Variants in ZBTB46 observed in about 807,000 individuals in gnomAD.
The protein encoded by ZBTB46 is zinc finger and BTB domain-containing protein 46.
Under a neutral mutation model 44.1 loss-of-function variants are expected in ZBTB46, and 8 were observed. The ratio of observed to expected loss-of-function variants is 0.18; its 90% CI spans 0.11 to 0.33. ZBTB46 has a LOEUF of 0.33. Among genes scored for constraint, ZBTB46 ranks in the 10% least tolerant of loss-of-function variants. The pLI is 1.00. For missense variants in ZBTB46, 651 were observed against 847.7 expected (o/e 0.77, Z 2.88); for synonymous variants, 409 against 382.3 (o/e 1.07, Z -0.81).
chr20:63,746,604 A>G lies in ZBTB46; in HGVS notation c.*326T>C. On this transcript the variant is annotated 3_prime_UTR_variant, in exon 5 of 5. Transcript: ENST00000245663. ...CACTGGACCCGGCCACAGGCCCATC[A>G]CGTGTCCAAGCCAGGCTGGCCATCA... 3.2e-6 allele frequency: 1 copy of G among 311,036 alleles called. No individual in the cohort carries two copies. Among genetic ancestry groups the G allele is most frequent in the East Asian group, 5.5e-5 (1 of 18,076 alleles). The allele number at this position is 311,036 out of a possible 1,614,324, so 19.3% of individuals were successfully genotyped here.
At chr20:63,771,408 C>T (rs1313756193) in intron 3 of ZBTB46, among the ~76,000 whole-genome samples, 3 of 152,140 alleles carry the variant, frequency 2.0e-5, no homozygotes, top group African/African-American at 7.2e-5. Flanking sequence ...GAGAGGGGGG[C>T]CACGCGGTCC....
chr20:63,826,559 TAAAA>T (rs72142838), intron 1 of ZBTB46, among the ~76,000 whole-genome samples: 1 of 139,404 alleles, frequency 7.2e-6, no homozygotes, highest in East Asian at 2.1e-4. Flanking sequence ...CATCTCTACT[TAAAA>T]AAAAAAAAAA....
At chr20:63,802,978 C>T (rs1163010018) in intron 1 of ZBTB46, among the ~76,000 whole-genome samples, 1 of 152,248 alleles carries the variant, frequency 6.6e-6, no homozygotes, top group Non-Finnish European at 1.5e-5. Flanking sequence ...GGCCCTTTGA[C>T]ATGGCAGCCC....
At position 63,745,109 on chromosome 20, in the gene ZBTB46, C is replaced by G. The variant is rs6010637; in HGVS notation, c.*1821G>C. 8,672 of 152,482 alleles carry G rather than the reference C, an allele frequency of 0.057. 829 individuals carry two copies. The highest frequency in any genetic ancestry group is 0.2 in the African/African-American group (8,211 of 41,512). 9.4% of individuals were successfully genotyped at this position (152,482 alleles called of 1,614,324 possible). On this transcript the variant is annotated 3_prime_UTR_variant, in exon 5 of 5. Coordinates refer to ENST00000245663, the MANE Select transcript of ZBTB46 (RefSeq NM_001369741.1). ...GCTGCAGCTCCCTGGTAGCCATGCT[C>G]TCCCCCTGGGGGACTCGTGCCAGAG...
At chr20:63,764,748 G>C (rs2092304664) in intron 3 of ZBTB46, among the ~76,000 whole-genome samples, 1 of 151,178 alleles carries the variant, frequency 6.6e-6, no homozygotes, top group East Asian at 2.0e-4. Context: ...GATTACAGGT[G>C]TGTGCCACCA....
Position 63,803,690 on chromosome 20 carries a change from G to A in ZBTB46, c.-33-12900C>T, listed in dbSNP as rs559384925. ...CCCAGGCCGCCTCCTCCGCCTTCCC[G>A]AACCTGGCTACCGTCACTTCCTTCT... On this transcript the variant is annotated intron_variant, in intron 1 of 4. Coordinates refer to ENST00000245663, the MANE Select transcript of ZBTB46 (RefSeq NM_001369741.1). This position sits in a 1 kb window ranked among gnomAD's most constrained non-coding sequence, Gnocchi z 4.0. Among the ~76,000 whole-genome samples, 4 of 151,410 alleles carry A rather than the reference G, an allele frequency of 2.6e-5. No homozygotes were observed. Among genetic ancestry groups the A allele is most frequent in the South Asian group, 2.1e-4 (1 of 4,752 alleles).
At chr20:63,782,927 T>A (rs2145897868) in intron 2 of ZBTB46, among the ~76,000 whole-genome samples, 1 of 152,122 alleles carries the variant, frequency 6.6e-6, no homozygotes, top group African/African-American at 2.4e-5. Context: ...CATAGTGAGA[T>A]CCCGTCTCCC....
chr20:63,832,645 G>A (rs2092858081), upstream of ZBTB46, among the ~76,000 whole-genome samples: 1 of 152,246 alleles, frequency 6.6e-6, no homozygotes, highest in African/African-American at 2.4e-5. This position sits in a 1 kb window ranked among gnomAD's most constrained non-coding sequence, Gnocchi z 5.0. Flanking sequence ...TGGCTGTGCG[G>A]ACACCCCGTT....
intron 1 of ZBTB46, among the ~76,000 whole-genome samples, chr20:63,820,439 A>T (rs911575888): frequency 1.3e-5 from 2 of 149,970 alleles, no homozygotes; most frequent in African/African-American, 5.0e-5. Flanking sequence ...TATTATATAT[A>T]TATATTTTTT....
rs545827747 is a variant in ZBTB46 at position 63,807,701 on chromosome 20, T to C, written c.-33-16911A>G. Among the ~76,000 whole-genome samples, 13 of 152,388 alleles carry C rather than the reference T, an allele frequency of 8.5e-5. No homozygotes were observed. In the South Asian group the frequency reaches 2.3e-3, roughly 27 times the overall value. On this transcript the variant is annotated intron_variant, in intron 1 of 4. Coordinates refer to ENST00000245663, the MANE Select transcript of ZBTB46 (RefSeq NM_001369741.1). ...CATTTGTTTACATCAAGCAATATGA[T>C]AGAATCCCTAACCAGTTACTTTTTG...
intron 3 of ZBTB46, among the ~76,000 whole-genome samples, chr20:63,771,170 G>C (rs1214095345): frequency 2.0e-5 from 3 of 152,222 alleles, no homozygotes; most frequent in African/African-American, 7.2e-5. Context: ...CCCTCGCCCA[G>C]CCGAGGCCGC....
chr20:63,781,288 A>C (rs2092468309), intron 2 of ZBTB46, among the ~76,000 whole-genome samples: 1 of 152,202 alleles, frequency 6.6e-6, no homozygotes, highest in South Asian at 2.1e-4. Flanking sequence ...AGAAGATCTG[A>C]ACAGACACTT....
At chr20:63,822,932 G>A (rs565556926) in intron 1 of ZBTB46, among the ~76,000 whole-genome samples, 13 of 109,038 alleles carry the variant, frequency 1.2e-4, no homozygotes, top group African/African-American at 3.6e-4. Context: ...AAGCCGAGAC[G>A]GGTGGATCAC....
intron 3 of ZBTB46, among the ~76,000 whole-genome samples, chr20:63,760,149 G>A (rs562162930): frequency 6.6e-6 from 1 of 152,334 alleles, no homozygotes; most frequent in African/African-American, 2.4e-5. Flanking sequence ...GCTGGAGACT[G>A]TTCCTTTCTT....
chr20:63,790,322 T>A lies in ZBTB46; in HGVS notation c.436A>T (p.Ile146Phe). The change falls in exon 2 of 5, where the codon ATC (isoleucine) becomes TTC (phenylalanine). Residue 146 changes from isoleucine to phenylalanine, a missense_variant. Physicochemically the swap from Ile to Phe is conservative, Grantham distance 21 (BLOSUM62 0). Transcript: ENST00000245663. ...DASDELAEFE[I>F]GASSSSSTEA... ...GTGCTGCTGCTGGACGAGGCGCCGA[T>A]CTCGAACTCCGCAAGCTCATCTGAG... The A allele has an allele frequency of 6.2e-7, 1 of 1,613,146 alleles. No homozygotes were observed. The highest frequency in any genetic ancestry group is 8.5e-7 in the Non-Finnish European group (1 of 1,179,984).
At chr20:63,791,495 CA>C (rs59810640) in intron 1 of ZBTB46, among the ~76,000 whole-genome samples, 6,397 of 61,072 alleles carry the variant, frequency 0.1, 145 homozygotes, top group East Asian at 0.4. Flanking sequence ...GACTCCATCT[CA>C]AAAAAAAAAA....
intron 1 of ZBTB46, among the ~76,000 whole-genome samples, chr20:63,820,043 CAACGTAT>C (rs2092782392): frequency 6.6e-6 from 1 of 152,178 alleles, no homozygotes; most frequent in Non-Finnish European, 1.5e-5. Flanking sequence ...ATGACGTTAG[CAACGTAT>C]AACGAAGAAA....
At position 63,803,556 on chromosome 20, in the gene ZBTB46, G is replaced by T; in HGVS notation, c.-33-12766C>A. ...GCAAAGCCATGTCTGCCGGCCCCGG[G>T]CTGCCCAGGCCCCGGGCTGCCCAGG... On this transcript the variant is annotated intron_variant, in intron 1 of 4. Transcript: ENST00000245663. The surrounding 1 kb of genome is among the most constrained non-coding windows in gnomAD (Gnocchi z 4.0). 1.0e-6 allele frequency: 1 copy of T among 975,484 alleles called. No homozygotes were observed. The highest frequency in any genetic ancestry group is 1.2e-6 in the Non-Finnish European group (1 of 825,458). The allele number at this position is 975,484 out of a possible 1,614,324, so 60.4% of individuals were successfully genotyped here. A position where few individuals can be genotyped will look rare whatever the true frequency, so the allele number is the denominator to read the frequency against.
Position 63,744,120 on chromosome 20 carries a change from AACC to A in ZBTB46, c.*2807_*2809del, listed in dbSNP as rs1377180670. The A allele has an allele frequency of 5.2e-5, 8 of 152,426 alleles. No homozygotes were observed. The highest frequency in any genetic ancestry group is 3.9e-4 in the Admixed American group (6 of 15,290). The allele number at this position is 152,426 out of a possible 1,614,324, so 9.4% of individuals were successfully genotyped here. The stretch of plus-strand genomic sequence containing the variant: ...AAAACACAATATAAGATCTAAAAAA[AACC>A]ACCACCATTAAGTATGGCTTTCTTA... On this transcript the variant is annotated 3_prime_UTR_variant, in exon 5 of 5. Coordinates refer to ENST00000245663, the MANE Select transcript of ZBTB46 (RefSeq NM_001369741.1).
Sources: gnomAD v4.1 joint callset for allele counts (sites outside exome capture counted in the v4.1 genomes callset) on GRCh38, gnomAD v4.1.1 for gene constraint, Gnocchi (gnomAD v3.1) non-coding constraint, MANE v1.5 for transcripts, NCBI Gene and HGNC (gene_info 2026-07-23, HGNC 2026-07-21) for gene names.